Variants in HNMT observed in about 807,000 individuals in gnomAD.
HNMT encodes the protein histamine N-methyltransferase.
A neutral mutation model predicts 32.1 loss-of-function variants in HNMT; 30 were observed. The observed-to-expected ratio is 0.93, with a 90% CI of 0.70 to 1.27. The LOEUF (loss-of-function observed/expected upper bound fraction) is 1.27, where lower values mean the gene tolerates loss of function less well. Among genes scored for constraint, HNMT ranks in the 50% most tolerant of loss-of-function variants. The pLI is 0.00. For synonymous variants in HNMT, 125 were observed against 119.0 expected, an observed-to-expected ratio of 1.05 and a Z score of -0.33; for missense variants, 327 against 346.0, an observed-to-expected ratio of 0.95 and a Z score of 0.43.
rs1396751285 is a variant in HNMT, at chr2:138,001,026, G to T, written c.298+1G>T. On this transcript the variant is annotated splice_donor_variant, in intron 3 of 5. Coordinates refer to ENST00000280097, the MANE Select transcript of HNMT (RefSeq NM_006895.3). LOFTEE classifies it high-confidence loss of function. ...GCTGAACAAATTGCCAAATACAAAG[G>T]TACCTGTAACTCCTGGTCCTCTACA... The T allele has an allele frequency of 6.4e-7, 1 of 1,561,314 alleles. No homozygotes were observed. Among genetic ancestry groups the T allele is most frequent in the Non-Finnish European group, 8.8e-7 (1 of 1,136,844 alleles).
In HNMT at chr2:137,967,944, C is replaced by T. The variant is rs1246354524; in HGVS notation, c.138-2221C>T. Reference sequence around the variant, plus strand: ...CAACCACCTAAAGAGCCTTGGTTTTCTATTCAATCAAATAATGAGGCACTA... The same window carrying T: ...CAACCACCTAAAGAGCCTTGGTTTTTTATTCAATCAAATAATGAGGCACTA... On this transcript the variant is annotated intron_variant, in intron 1 of 5. Transcript: ENST00000280097. Among the ~76,000 whole-genome samples the T allele has an allele frequency of 2.0e-5, 3 of 152,122 alleles. No homozygotes were observed. The East Asian group carries it at 5.8e-4, about 29-fold the overall frequency.
chr2:137,985,296 C>T (rs1372313828), intron 2 of HNMT, among the ~76,000 whole-genome samples: 1 of 151,996 alleles, frequency 6.6e-6, no homozygotes, highest in Non-Finnish European at 1.5e-5. Flanking sequence ...GTATGTCCAT[C>T]AACAATGCAA....
chr2:137,971,408 G>A (rs987736952), intron 2 of HNMT, among the ~76,000 whole-genome samples: 21 of 152,118 alleles, frequency 1.4e-4, no homozygotes, highest in African/African-American at 4.8e-4. Flanking sequence ...TCAAACTCCT[G>A]ACCTTGTGAT....
chr2:137,982,240 G>A (rs1680524927), intron 2 of HNMT, among the ~76,000 whole-genome samples: 1 of 152,048 alleles, frequency 6.6e-6, no homozygotes, highest in Non-Finnish European at 1.5e-5. Flanking sequence ...CTTATTAAAC[G>A]TATCCTTGAA....
At chr2:138,013,324 T>C (rs970394437) in intron 5 of HNMT, among the ~76,000 whole-genome samples, 1 of 152,052 alleles carries the variant, frequency 6.6e-6, no homozygotes, top group Non-Finnish European at 1.5e-5. Flanking sequence ...TCCAACCTCA[T>C]CTCTTTTCCC....
At chr2:137,980,179 G>A (rs528073737) in intron 2 of HNMT, among the ~76,000 whole-genome samples, 22 of 152,170 alleles carry the variant, frequency 1.4e-4, no homozygotes, top group African/African-American at 5.3e-4. Flanking sequence ...GGGACTACAG[G>A]CGTCAGCCAC....
chr2:137,981,960 T>G (rs1050355826), intron 2 of HNMT, among the ~76,000 whole-genome samples: 2 of 152,176 alleles, frequency 1.3e-5, no homozygotes, highest in African/African-American at 4.8e-5. Context: ...CTCATGTGAT[T>G]CTTGTGCCTC....
chr2:137,972,914 T>C (rs1680178269), intron 2 of HNMT, among the ~76,000 whole-genome samples: 1 of 152,170 alleles, frequency 6.6e-6, no homozygotes, highest in South Asian at 2.1e-4. Context: ...GAAAGGAACG[T>C]TTGGCCTGCA....
chr2:137,968,136 A>G (rs1573639226), intron 1 of HNMT, among the ~76,000 whole-genome samples: 2 of 152,312 alleles, frequency 1.3e-5, no homozygotes, highest in African/African-American at 2.4e-5. Flanking sequence ...GAATTCTTCA[A>G]TCCCCTATTT....
At chr2:137,988,482 T>TA (rs1169032502) in intron 2 of HNMT, 1 of 152,182 alleles carries the variant, frequency 6.6e-6, no homozygotes, top group Non-Finnish European at 1.5e-5. Flanking sequence ...GAAAAGATAA[T>TA]ACTTTAAAAC....
At chr2:138,013,068 T>A (rs908653754) in intron 5 of HNMT, among the ~76,000 whole-genome samples, 1 of 152,156 alleles carries the variant, frequency 6.6e-6, no homozygotes, top group Non-Finnish European at 1.5e-5. Context: ...AGTAGTGAAG[T>A]TGAAACTGAA....
At chr2:138,008,292 A>G (rs946539740) in intron 5 of HNMT, among the ~76,000 whole-genome samples, 1 of 151,982 alleles carries the variant, frequency 6.6e-6, no homozygotes, top group African/African-American at 2.4e-5. Context: ...TTCTGGCTCC[A>G]TCCATGTCCC....
intron 1 of HNMT, among the ~76,000 whole-genome samples, chr2:137,965,402 A>G (rs923818705): frequency 5.3e-5 from 8 of 152,158 alleles, no homozygotes; most frequent in African/African-American, 1.9e-4. Context: ...CTGGGAAGAA[A>G]TGACTATGGA....
At chr2:137,971,294 C>T (rs1680128861) in intron 2 of HNMT, among the ~76,000 whole-genome samples, 1 of 152,112 alleles carries the variant, frequency 6.6e-6, no homozygotes, top group Non-Finnish European at 1.5e-5. Context: ...ATTCTCCTCC[C>T]TCAGCATCCT....
intron 2 of HNMT, among the ~76,000 whole-genome samples, chr2:137,985,402 G>C (rs1423709587): frequency 2.6e-5 from 4 of 152,142 alleles, no homozygotes; most frequent in African/African-American, 9.7e-5. Context: ...GCTTTTGTTA[G>C]GGATTTCCTT....
At chr2:137,967,131 C>G (rs781538632) in intron 1 of HNMT, 1 of 779,460 alleles carries the variant, frequency 1.3e-6, no homozygotes, top group South Asian at 1.3e-5. Flanking sequence ...AAAATACTGG[C>G]CAGATGTGTT....
chr2:138,014,364 C>A lies in HNMT; in HGVS notation c.*234C>A. 2.5e-6 allele frequency: 1 copy of A among 392,732 alleles called. No homozygotes were observed. The allele number at this position is 392,732 out of a possible 1,614,324, so 24.3% of individuals were successfully genotyped here. A position where few individuals can be genotyped will look rare whatever the true frequency, so the allele number is the denominator to read the frequency against. Reference sequence around the variant, plus strand: ...GAGACCACAAGCAGGCTCAACATAACATAAGCTAGAAAAATTAGATGACTG... The same window carrying A: ...GAGACCACAAGCAGGCTCAACATAAAATAAGCTAGAAAAATTAGATGACTG... On this transcript the variant is annotated 3_prime_UTR_variant, in exon 6 of 6. Coordinates refer to ENST00000280097, the MANE Select transcript of HNMT (RefSeq NM_006895.3).
intron 5 of HNMT, 25 bp from the exon 6 acceptor site, chr2:138,013,750 G>C: frequency 6.4e-7 from 1 of 1,563,890 alleles, no homozygotes; most frequent in Non-Finnish European, 8.8e-7. Context: ...ATAAATGAAA[G>C]CATGACTTGT....
chr2:137,964,950 A>C (rs1459157501), intron 1 of HNMT, among the ~76,000 whole-genome samples: 3 of 152,202 alleles, frequency 2.0e-5, no homozygotes, highest in Non-Finnish European at 4.4e-5. Flanking sequence ...CAGATTTTTC[A>C]GCCCTCCTCC....
Sources: allele counts gnomAD v4.1 joint callset (sites outside exome capture counted in the v4.1 genomes callset), GRCh38; gene constraint gnomAD v4.1.1; transcripts MANE v1.5; gene names NCBI Gene and HGNC (gene_info 2026-07-23, HGNC 2026-07-21).